The following DNAH7 variants were observed in gnomAD, a reference collection of about 807,000 sequenced individuals.
DNAH7 encodes the protein dynein axonemal heavy chain 7, also known as axonemal beta dynein heavy chain 7.
In DNAH7, 397 loss-of-function variants were observed where a neutral mutation model predicts 444.6. The ratio of observed to expected loss-of-function variants is 0.89; its 90% CI spans 0.82 to 0.97. DNAH7 has a LOEUF of 0.97. Ranked by LOEUF, DNAH7 falls within the 50% of genes least tolerant of loss-of-function variation. The pLI is 0.00. For missense variants in DNAH7, 4,902 were observed against 4,800.8 expected (o/e 1.02, Z -0.62); for synonymous variants, 1,636 against 1,624.4 (o/e 1.01, Z -0.17).
intron 5 of DNAH7, among the ~76,000 whole-genome samples, chr2:196,039,337 T>C (rs150021760): frequency 8.5e-4 from 130 of 152,106 alleles, no homozygotes; most frequent in African/African-American, 2.9e-3. Context: ...CTAAAACCTA[T>C]GGAATACAGC....
At chr2:195,919,303 A>C (rs1360368715) in intron 24 of DNAH7, among the ~76,000 whole-genome samples, 1 of 151,930 alleles carries the variant, frequency 6.6e-6, no homozygotes, top group Non-Finnish European at 1.5e-5. Flanking sequence ...GGAATTCTCT[A>C]CTTTCTGCAT....
At chr2:195,947,328 T>A (rs1689883913) in intron 19 of DNAH7, among the ~76,000 whole-genome samples, 1 of 151,980 alleles carries the variant, frequency 6.6e-6, no homozygotes, top group Non-Finnish European at 1.5e-5. Flanking sequence ...AGTTCTGGGA[T>A]ACATGTGCAG....
intron 18 of DNAH7, 118 bp downstream of exon 18, chr2:195,960,142 G>GA: frequency 1.2e-6 from 1 of 843,826 alleles, no homozygotes; most frequent in Non-Finnish European, 1.7e-6. Flanking sequence ...ATTCTCAAAA[G>GA]AAATAAAATA....
intron 63 of DNAH7, among the ~76,000 whole-genome samples, chr2:195,747,226 C>T (rs542498831): frequency 2.6e-4 from 39 of 152,038 alleles, no homozygotes; most frequent in East Asian, 1.5e-3. Context: ...AACACCTCTA[C>T]GCAAATAAAC....
At chr2:195,738,180 C>T in intron 64 of DNAH7, 53 bp from the exon 65 acceptor site, 1 of 1,504,836 alleles carries the variant, frequency 6.6e-7, no homozygotes, top group East Asian at 2.3e-5. Context: ...GTTAAATGTA[C>T]ATGTGTTTGA....
rs201765082 is a variant in DNAH7, at chr2:195,861,874, G to C, written c.7579C>G (p.Arg2527Gly). 1.2e-6 allele frequency: 2 copies of C among 1,613,934 alleles called. No homozygotes were observed. The highest frequency in any genetic ancestry group is 1.7e-6 in the Non-Finnish European group (2 of 1,179,850). Residue 2527 changes from arginine (R) to glycine (G), a missense_variant, in exon 42 of 65, where the codon CGA (arginine) becomes GGA (glycine). Physicochemically the swap from Arg to Gly is moderately radical, Grantham distance 125. Coordinates refer to ENST00000312428, the MANE Select transcript of DNAH7 (RefSeq NM_018897.3). ...TTACACATGTCGATACAGCCATCTCGTATTTCCTCTGACATTTCAATTTCT... is the reference window on the plus strand; with the variant it reads ...TTACACATGTCGATACAGCCATCTCCTATTTCCTCTGACATTTCAATTTCT... ...LEEIEMSEEI[R>G]DGCIDMCKSF...
At chr2:195,965,737 T>A (rs1315528781) in intron 17 of DNAH7, among the ~76,000 whole-genome samples, 1 of 152,152 alleles carries the variant, frequency 6.6e-6, no homozygotes, top group Non-Finnish European at 1.5e-5. Context: ...CTCGAGATTT[T>A]CCTATTTATT....
intron 2 of DNAH7, among the ~76,000 whole-genome samples, chr2:196,056,438 A>T (rs1212971043): frequency 6.6e-6 from 1 of 151,610 alleles, no homozygotes; most frequent in Non-Finnish European, 1.5e-5. Context: ...AAAAAAAAGA[A>T]AAAAGAAATG....
intron 19 of DNAH7, among the ~76,000 whole-genome samples, chr2:195,944,468 A>G (rs1689666832): frequency 6.6e-6 from 1 of 152,118 alleles, no homozygotes; most frequent in Non-Finnish European, 1.5e-5. Context: ...CTCCCTACAC[A>G]AGCACCATTA....
intron 15 of DNAH7, among the ~76,000 whole-genome samples, chr2:195,973,198 G>C (rs963242246): frequency 1.3e-5 from 2 of 152,134 alleles, no homozygotes; most frequent in African/African-American, 4.8e-5. Context: ...GGCAGCAGAT[G>C]GCTTTGTTTC....
At chr2:195,951,773 C>T (rs7595231) in intron 19 of DNAH7, among the ~76,000 whole-genome samples, 1,598 of 150,236 alleles carry the variant, frequency 0.011, 26 homozygotes, top group African/African-American at 0.036. Context: ...TTTTTCTTTC[C>T]ATTTGCTTGG....
At chr2:195,937,511 T>C (rs995779360) in intron 19 of DNAH7, among the ~76,000 whole-genome samples, 1 of 152,186 alleles carries the variant, frequency 6.6e-6, no homozygotes, top group African/African-American at 2.4e-5. Flanking sequence ...TTTTATCCTG[T>C]GTATTCAAAA....
At chr2:195,876,168 A>G (rs574451275) in intron 37 of DNAH7, among the ~76,000 whole-genome samples, 29 of 152,292 alleles carry the variant, frequency 1.9e-4, no homozygotes, top group South Asian at 1.5e-3. Context: ...ATAGATGAGA[A>G]AAGTGTGATT....
intron 21 of DNAH7, 28 bp from the exon 22 acceptor site, chr2:195,926,594 T>C (rs1434175819): frequency 3.9e-6 from 6 of 1,553,908 alleles, no homozygotes; most frequent in African/African-American, 2.8e-5. Context: ...TGCTAAATAT[T>C]AACCATTTCC....
At chr2:195,949,435 C>G (rs1178701686) in intron 19 of DNAH7, among the ~76,000 whole-genome samples, 1 of 151,992 alleles carries the variant, frequency 6.6e-6, no homozygotes, top group African/African-American at 2.4e-5. Flanking sequence ...AGTCACACAC[C>G]ACTACACCTG....
chr2:195,865,207 A>G (rs534763958), intron 40 of DNAH7, among the ~76,000 whole-genome samples, 186 bp from the exon 41 acceptor site: 1 of 152,226 alleles, frequency 6.6e-6, no homozygotes, highest in African/African-American at 2.4e-5. Flanking sequence ...TTAACTCTAT[A>G]TTTAGAATAA....
intron 7 of DNAH7, among the ~76,000 whole-genome samples, chr2:196,025,367 A>G (rs1043086488): frequency 3.9e-5 from 6 of 152,160 alleles, no homozygotes; most frequent in Non-Finnish European, 5.9e-5. Flanking sequence ...TATGCAAATC[A>G]TATGTATTAC....
intron 5 of DNAH7, among the ~76,000 whole-genome samples, chr2:196,041,161 C>T (rs1454250490): frequency 6.6e-6 from 1 of 152,048 alleles, no homozygotes; most frequent in Non-Finnish European, 1.5e-5. Flanking sequence ...CACTCCCTAT[C>T]AAAATACAAA....
chr2:195,863,113 G>GTC (rs1218184588), intron 41 of DNAH7, among the ~76,000 whole-genome samples: 31 of 152,324 alleles, frequency 2.0e-4, no homozygotes, highest in African/African-American at 7.0e-4. Flanking sequence ...TTGCTTATTT[G>GTC]TCTGTAGACA....
Sources: allele counts gnomAD v4.1 joint callset (sites outside exome capture counted in the v4.1 genomes callset), GRCh38; gene constraint gnomAD v4.1.1; transcripts MANE v1.5; gene names NCBI Gene and HGNC (gene_info 2026-07-23, HGNC 2026-07-21).